The following GNL3 variants were observed in gnomAD, a reference collection of about 807,000 sequenced individuals.
The protein encoded by GNL3 is G protein nucleolar 3.
GNL3 carries 77 observed loss-of-function variants against 70.6 expected under a neutral mutation model. The observed-to-expected ratio is 1.09, with a 90% CI of 0.91 to 1.32. The LOEUF (loss-of-function observed/expected upper bound fraction) is 1.32, where lower values mean the gene tolerates loss of function less well. Among genes scored for constraint, GNL3 ranks in the 40% most tolerant of loss-of-function variants. The pLI, the probability that GNL3 is intolerant of heterozygous loss-of-function variation, is 0.00. For synonymous variants in GNL3, 252 were observed against 216.1 expected (o/e 1.17, Z -1.46); for missense variants, 634 against 644.0 (o/e 0.98, Z 0.17).
intron 5 of GNL3, 81 bp from the exon 6 acceptor site, chr3:52,688,993 G>A (rs1324047523): frequency 4.6e-5 from 53 of 1,144,862 alleles, no homozygotes; most frequent in Non-Finnish European, 6.6e-5. Context: ...CTCTCTTGTG[G>A]AAGGTATTAC....
chr3:52,691,719 T>A (rs2097327487), intron 9 of GNL3, 90 bp downstream of exon 9: 1 of 764,700 alleles, frequency 1.3e-6, no homozygotes, highest in South Asian at 1.5e-5. Flanking sequence ...TTTTTTTTTT[T>A]TTTGAGACAG....
chr3:52,688,045 A>G, intron 4 of GNL3, 64 bp from the exon 5 acceptor site: 1 of 891,982 alleles, frequency 1.1e-6, no homozygotes, highest in South Asian at 1.3e-5. Flanking sequence ...GCTGTGGAAA[A>G]TGGAGTTAGA....
chr3:52,686,687 C>A, intron 1 of GNL3, 82 bp from the exon 2 acceptor site: 1 of 1,048,298 alleles, frequency 9.5e-7, no homozygotes. Flanking sequence ...GCCAATAACA[C>A]AAGAAAAGGA....
chr3:52,689,646 T>TA (rs947602770), intron 6 of GNL3, among the ~76,000 whole-genome samples: 1 of 152,126 alleles, frequency 6.6e-6, no homozygotes, highest in Non-Finnish European at 1.5e-5. Context: ...AACAGAGAAT[T>TA]ACAAAGCAGA....
rs1238111333 is a variant in GNL3 at position 52,693,118 on chromosome 3, C to A, written c.1045-69C>A. On this transcript the variant is annotated intron_variant, in intron 10 of 14. Transcript: ENST00000418458. ...TCATAAGCATTTTGAGTAGAAAAAT[C>A]TTGGAAGTGTTTTAAAGTACTGGCA... The A allele has an allele frequency of 3.8e-6, 6 of 1,598,302 alleles. No individual in the cohort carries two copies. In the African/African-American group the frequency reaches 6.8e-5, roughly 18 times the overall value.
Position 52,694,247 on chromosome 3 carries a change from C to G in GNL3, c.1622C>G (p.Ala541Gly). 1 of 1,577,952 alleles carries G rather than the reference C, an allele frequency of 6.3e-7. No individual in the cohort carries two copies. Among genetic ancestry groups the G allele is most frequent in the Non-Finnish European group, 8.7e-7 (1 of 1,148,756 alleles). ...GATAAAATCATTGAAGAGGATGATGCTTATGACTTCAGTACAGATTATGTG... is the reference window on the plus strand; with the variant it reads ...GATAAAATCATTGAAGAGGATGATGGTTATGACTTCAGTACAGATTATGTG... ...ILDKIIEEDDAYDFSTDYV is the reference protein window; with the variant it reads ...ILDKIIEEDDGYDFSTDYV The change falls in exon 15 of 15, where the codon GCT (alanine) becomes GGT (glycine). Residue 541 changes from alanine to glycine, a missense_variant. By Grantham distance (60) the Ala-to-Gly change is moderately conservative (BLOSUM62 0). Coordinates refer to ENST00000418458, the MANE Select transcript of GNL3 (RefSeq NM_014366.5).
At position 52,686,062 on chromosome 3, in the gene GNL3, T is replaced by A. The variant is rs1297798312; in HGVS notation, c.-31T>A. The A allele has an allele frequency of 2.0e-6, 2 of 988,140 alleles. No homozygotes were observed. Among genetic ancestry groups the A allele is most frequent in the African/African-American group, 1.6e-5 (1 of 63,366 alleles). 61.2% of individuals were successfully genotyped at this position (988,140 alleles called of 1,614,324 possible). A position where few individuals can be genotyped will look rare whatever the true frequency, so the allele number is the denominator to read the frequency against. On this transcript the variant is annotated 5_prime_UTR_variant, in exon 1 of 15. Coordinates refer to ENST00000418458, the MANE Select transcript of GNL3 (RefSeq NM_014366.5). ...ACACGTGGCGCCAGCGGAGGCAGGT[T>A]GATGTGTTTGTGCTTCCTTCTACAG...
At position 52,691,018 on chromosome 3, in the gene GNL3, T is replaced by C; in HGVS notation, c.728T>C (p.Leu243Pro). 6.2e-7 allele frequency: 1 copy of C among 1,613,808 alleles called. No individual in the cohort carries two copies. Among genetic ancestry groups the C allele is most frequent in the South Asian group, 1.1e-5 (1 of 91,062 alleles). Reference sequence around the variant, plus strand: ...TTTGGGAAAGAGGGCCTTTGGAAACTTCTTGGAGGTTTTCAGGAAACTTGC... The same window carrying C: ...TTTGGGAAAGAGGGCCTTTGGAAACCTCTTGGAGGTTTTCAGGAAACTTGC... ...VCFGKEGLWKLLGGFQETCSK... is the reference protein window; with the variant it reads ...VCFGKEGLWKPLGGFQETCSK... The change falls in exon 8 of 15, where the codon CTT (leucine) becomes CCT (proline). Residue 243 changes from leucine (L) to proline (P), a missense_variant. By Grantham distance (98) the Leu-to-Pro change is moderately conservative. Transcript: ENST00000418458.
rs1478661290 is a variant in GNL3, at chr3:52,687,583, A to T, written c.292A>T (p.Ile98Phe). 1.1e-5 allele frequency: 18 copies of T among 1,606,846 alleles called. No individual in the cohort carries two copies. Among genetic ancestry groups the T allele is most frequent in the Non-Finnish European group, 1.5e-5 (18 of 1,173,358 alleles). The change falls in exon 4 of 15, where the codon ATT (isoleucine) becomes TTT (phenylalanine). Residue 98 changes from isoleucine to phenylalanine, a missense_variant. Coordinates refer to ENST00000418458, the MANE Select transcript of GNL3 (RefSeq NM_014366.5). ...KKRKLETNPD[I>F]KPSNVEPMEK... ...AAGAAAACTTGAAACTAATCCTGAT[A>T]TTAAGCCATCAAATGTGGAACCTAT...
chr3:52,689,009 C>T (rs1181045275), intron 5 of GNL3, 65 bp from the exon 6 acceptor site: 1 of 1,365,422 alleles, frequency 7.3e-7, no homozygotes, highest in Non-Finnish European at 1.0e-6. Context: ...ATTACCAGAA[C>T]AAGGGATGTA....
intron 6 of GNL3, among the ~76,000 whole-genome samples, chr3:52,689,524 A>G (rs1420114299): frequency 6.6e-6 from 1 of 152,200 alleles, no homozygotes; most frequent in Non-Finnish European, 1.5e-5. Flanking sequence ...CACCTACACA[A>G]TGTCGGGTAT....
chr3:52,686,425 G>A lies in GNL3; in HGVS notation c.13+320G>A, dbSNP rs2097311954. On this transcript the variant is annotated intron_variant, in intron 1 of 14. Coordinates refer to ENST00000418458, the MANE Select transcript of GNL3 (RefSeq NM_014366.5). ...CCGTGGCCACGTGCAGACTGGCCCA[G>A]GTGAGAGCTGAGAATCGCCTCCCAG... 2.1e-5 allele frequency: 12 copies of A among 574,900 alleles called. No individual in the cohort carries two copies. The Middle Eastern group carries it at 1.8e-3, about 88-fold the overall frequency. The allele number at this position is 574,900 out of a possible 1,614,324, so 35.6% of individuals were successfully genotyped here. A position where few individuals can be genotyped will look rare whatever the true frequency, so the allele number is the denominator to read the frequency against.
chr3:52,694,118 A>AG lies in GNL3; in HGVS notation c.1567+19dup, dbSNP rs2097330305. On this transcript the variant is annotated intron_variant, in intron 14 of 14. Coordinates refer to ENST00000418458, the MANE Select transcript of GNL3 (RefSeq NM_014366.5). ...GACTACAGCAGGTGAGGCAGGCAAAAGGGGTTCTAACGAAGCAGCATGGTA... is the reference window on the plus strand; with the variant it reads ...GACTACAGCAGGTGAGGCAGGCAAAAGGGGGTTCTAACGAAGCAGCATGGTA... 6.2e-7 allele frequency: 1 copy of AG among 1,606,140 alleles called. No homozygotes were observed. The highest frequency in any genetic ancestry group is 8.5e-7 in the Non-Finnish European group (1 of 1,172,606).
Position 52,693,414 on chromosome 3 carries a change from A to T in GNL3, c.1194A>T (p.Ser398=), listed in dbSNP as rs771308285. The change falls in exon 12 of 15, where the codon TCA becomes TCT. Residue 398 remains serine (S), a synonymous_variant. Coordinates refer to ENST00000418458, the MANE Select transcript of GNL3 (RefSeq NM_014366.5). The stretch of plus-strand genomic sequence containing the variant: ...ATCTTATTTTTAATATCAGTGCCTC[A>T]TTAGCTTACTATTGCCATCCCCCTA... The part of the protein sequence containing the change: ...KLLWSEWTGA[S]LAYYCHPPTS... 6.2e-7 allele frequency: 1 copy of T among 1,614,144 alleles called. No individual in the cohort carries two copies. Among genetic ancestry groups the T allele is most frequent in the South Asian group, 1.1e-5 (1 of 91,082 alleles).
intron 4 of GNL3, 49 bp downstream of exon 4, chr3:52,687,664 G>GT (rs778212436): frequency 3.2e-6 from 4 of 1,241,586 alleles, no homozygotes; most frequent in African/African-American, 3.0e-5. Flanking sequence ...TTTGATTTTG[G>GT]TTTTTTTGCT....
Position 52,693,172 on chromosome 3 carries a change from G to GT in GNL3, c.1045-15_1045-14insT. 1 of 1,591,546 alleles carries GT rather than the reference G, an allele frequency of 6.3e-7. No individual in the cohort carries two copies. The highest frequency in any genetic ancestry group is 1.9e-5 in the Admixed American group (1 of 53,900). On this transcript the variant is annotated splice_polypyrimidine_tract_variant and intron_variant, in intron 10 of 14. Coordinates refer to ENST00000418458, the MANE Select transcript of GNL3 (RefSeq NM_014366.5). ...CAGATGAAGGACAGCTCCTTTGTTT[G>GT]GTTTTTTTTTTAAGGTAGTACTGAA... is the stretch of plus-strand genomic sequence containing the variant.
At position 52,687,388 on chromosome 3, in the gene GNL3, G is replaced by A; in HGVS notation, c.210+5G>A. 1 of 1,613,256 alleles carries A rather than the reference G, an allele frequency of 6.2e-7. No individual in the cohort carries two copies. The highest frequency in any genetic ancestry group is 1.7e-4 in the Middle Eastern group (1 of 6,052). ...GCTGAGCTAAGGAAACAGAGGGTAAGTTATGTTAGCCAGAATTTTCATTGA... is the reference window on the plus strand; with the variant it reads ...GCTGAGCTAAGGAAACAGAGGGTAAATTATGTTAGCCAGAATTTTCATTGA... On this transcript the variant is annotated splice_donor_5th_base_variant and intron_variant, in intron 3 of 14. Transcript: ENST00000418458.
intron 4 of GNL3, 130 bp from the exon 5 acceptor site, chr3:52,687,979 A>G (rs2154099435): frequency 1.5e-6 from 1 of 679,516 alleles, no homozygotes; most frequent in East Asian, 2.5e-5. Flanking sequence ...TGGGAGGAAG[A>G]CAACTGAGTT....
intron 4 of GNL3, 89 bp downstream of exon 4, chr3:52,687,704 C>T: frequency 1.3e-6 from 1 of 740,888 alleles, no homozygotes; most frequent in East Asian, 2.7e-5. Context: ...ACAATCACAA[C>T]TCACTGCAAC....
Sources: gnomAD v4.1 joint callset for allele counts (sites outside exome capture counted in the v4.1 genomes callset) on GRCh38, gnomAD v4.1.1 for gene constraint, MANE v1.5 for transcripts, NCBI Gene and HGNC (gene_info 2026-07-23, HGNC 2026-07-21) for gene names.